HOOK3: variants seen among roughly 807,000 people sequenced by gnomAD.
HOOK3 encodes the protein protein Hook homolog 3.
A neutral mutation model predicts 116.3 loss-of-function variants in HOOK3; 24 were observed. That is an observed-to-expected ratio of 0.21 (90% CI 0.15 to 0.29). The LOEUF (loss-of-function observed/expected upper bound fraction) is 0.29. HOOK3 is among the 10% of genes least tolerant of loss of function. The probability of loss-of-function intolerance (pLI) is 1.00; values close to 1 mark genes in which losing one functional copy is unlikely to be tolerated. For synonymous variants in HOOK3, 275 were observed against 283.0 expected (o/e 0.97, Z 0.28); for missense variants, 632 against 830.2 (o/e 0.76, Z 2.93).
At chr8:42,968,570 TCC>T (rs1156849423) in intron 11 of HOOK3, among the ~76,000 whole-genome samples, 1 of 152,132 alleles carries the variant, frequency 6.6e-6, no homozygotes, top group Non-Finnish European at 1.5e-5. Context: ...GCTCAAGTGA[TCC>T]ACCAGCCTCA....
At position 42,986,894 on chromosome 8, in the gene HOOK3, C is replaced by T. The variant is rs574446891; in HGVS notation, c.1532+99C>T. 2.0e-4 allele frequency: 256 copies of T among 1,275,238 alleles called. 1 individual carries two copies. In the African/African-American group the frequency reaches 3.3e-3, roughly 17 times the overall value. 79.0% of individuals were successfully genotyped at this position (1,275,238 alleles called of 1,614,324 possible). ...AGAACTGGCAGGGCATGGTGGCTCACGCCTGTAATCCCAGCACTTTGGGAG... is the reference window on the plus strand; with the variant it reads ...AGAACTGGCAGGGCATGGTGGCTCATGCCTGTAATCCCAGCACTTTGGGAG... On this transcript the variant is annotated intron_variant, in intron 15 of 21. Coordinates refer to ENST00000307602, the MANE Select transcript of HOOK3 (RefSeq NM_032410.4).
At chr8:43,008,235 G>T (rs1181855542) in intron 18 of HOOK3, among the ~76,000 whole-genome samples, 1 of 151,948 alleles carries the variant, frequency 6.6e-6, no homozygotes, top group East Asian at 1.9e-4. Flanking sequence ...AGCCAGGATG[G>T]TTTCGATCTC....
chr8:43,004,567 G>C (rs1009654773), intron 17 of HOOK3, among the ~76,000 whole-genome samples: 17 of 150,474 alleles, frequency 1.1e-4, no homozygotes, highest in African/African-American at 3.7e-4. Flanking sequence ...TGTAATCCCA[G>C]CTACTTGCAA....
chr8:43,028,500 GT>G lies in HOOK3; in HGVS notation c.*10010del, dbSNP rs1182536893. ...ATAGATCTAATGAACATTGCCAACA[GT>G]TTTTTTTGTTTCTGTCCCTTAAACA... On this transcript the variant is annotated 3_prime_UTR_variant, in exon 22 of 22. Coordinates refer to ENST00000307602, the MANE Select transcript of HOOK3 (RefSeq NM_032410.4). 3.7e-5 allele frequency: 7 copies of G among 189,438 alleles called. No individual in the cohort carries two copies. The highest frequency in any genetic ancestry group is 1.9e-4 in the South Asian group (1 of 5,148). The allele number at this position is 189,438 out of a possible 1,614,324, so 11.7% of individuals were successfully genotyped here.
chr8:42,899,225 G>A (rs574516831), intron 1 of HOOK3, among the ~76,000 whole-genome samples: 1 of 152,304 alleles, frequency 6.6e-6, no homozygotes, highest in South Asian at 2.1e-4. Context: ...GACAACATGA[G>A]AGAATCTATT....
At chr8:42,972,687 A>G (rs75194843) in intron 11 of HOOK3, among the ~76,000 whole-genome samples, 5,104 of 152,312 alleles carry the variant, frequency 0.034, 143 homozygotes, top group Non-Finnish European at 0.052. Context: ...GGCGTGAGCC[A>G]CTGCACTTAG....
At position 43,023,167 on chromosome 8, in the gene HOOK3, C is replaced by A. The variant is rs1184868656; in HGVS notation, c.*4669C>A. The A allele has an allele frequency of 7.1e-6, 1 of 140,452 alleles. No individual in the cohort carries two copies. Among genetic ancestry groups the A allele is most frequent in the Non-Finnish European group, 1.5e-5 (1 of 68,310 alleles). 8.7% of individuals were successfully genotyped at this position (140,452 alleles called of 1,614,324 possible). ...GTTGCAGTAAGCCGAGATTGTGCCA[C>A]TGCACTCCAGCCTGGGCCACAGAGT... On this transcript the variant is annotated 3_prime_UTR_variant, in exon 22 of 22. Coordinates refer to ENST00000307602, the MANE Select transcript of HOOK3 (RefSeq NM_032410.4).
intron 4 of HOOK3, among the ~76,000 whole-genome samples, chr8:42,934,066 T>C (rs1425313833): frequency 6.6e-6 from 1 of 151,744 alleles, no homozygotes; most frequent in Non-Finnish European, 1.5e-5. Context: ...TTATCTCATT[T>C]ATTTATTTAT....
intron 18 of HOOK3, among the ~76,000 whole-genome samples, chr8:43,008,258 T>C (rs1015327987): frequency 6.6e-6 from 1 of 152,064 alleles, no homozygotes; most frequent in East Asian, 1.9e-4. Context: ...GACCTCGTGA[T>C]CTGCCCGCCT....
intron 8 of HOOK3, among the ~76,000 whole-genome samples, chr8:42,962,039 C>T (rs986096439): frequency 9.9e-5 from 15 of 151,836 alleles, no homozygotes; most frequent in African/African-American, 2.2e-4. Context: ...TGCCCACCTC[C>T]GTCTCCCAAA....
intron 1 of HOOK3, among the ~76,000 whole-genome samples, chr8:42,903,608 GCT>G (rs1807240257): frequency 6.6e-6 from 1 of 150,958 alleles, no homozygotes; most frequent in African/African-American, 2.4e-5. Flanking sequence ...CTCCCAAAGT[GCT>G]GGGATTACAG....
intron 7 of HOOK3, among the ~76,000 whole-genome samples, chr8:42,957,826 CTTT>C (rs11383704): frequency 5.2e-5 from 7 of 135,260 alleles, no homozygotes; most frequent in East Asian, 2.1e-4. Context: ...ATATCTCTTC[CTTT>C]TTTTTTTTTT....
chr8:42,909,706 C>A (rs1369399026), intron 2 of HOOK3, among the ~76,000 whole-genome samples: 4 of 152,166 alleles, frequency 2.6e-5, no homozygotes, highest in African/African-American at 9.7e-5. Context: ...CTCAAGCAAT[C>A]CTCCTGCCTT....
At chr8:42,994,396 A>G in intron 15 of HOOK3, 1 of 391,328 alleles carries the variant, frequency 2.6e-6, no homozygotes, top group Non-Finnish European at 5.0e-6. Flanking sequence ...TGGCATCGTT[A>G]GGTTGTTTAT....
chr8:42,983,060 C>T (rs1808982455), intron 14 of HOOK3, among the ~76,000 whole-genome samples: 2 of 152,152 alleles, frequency 1.3e-5, no homozygotes, highest in African/African-American at 4.8e-5. Flanking sequence ...ACCAGCTGGG[C>T]TTGGTGGCTC....
chr8:42,966,222 A>G (rs1461481683), intron 9 of HOOK3, among the ~76,000 whole-genome samples: 1 of 152,192 alleles, frequency 6.6e-6, no homozygotes, highest in Non-Finnish European at 1.5e-5. Context: ...GCAATATTTC[A>G]GAAAAATGTT....
At chr8:42,941,546 A>C (rs989360336) in intron 4 of HOOK3, among the ~76,000 whole-genome samples, 1 of 149,994 alleles carries the variant, frequency 6.7e-6, no homozygotes, top group South Asian at 2.1e-4. Flanking sequence ...AAAAAGAGGC[A>C]TGAGCCACTG....
At chr8:42,939,717 C>T (rs1212242705) in intron 4 of HOOK3, among the ~76,000 whole-genome samples, 1 of 151,112 alleles carries the variant, frequency 6.6e-6, no homozygotes, top group Admixed American at 6.6e-5. Flanking sequence ...GGGCTCCTCA[C>T]TTCTCAGACG....
intron 5 of HOOK3, among the ~76,000 whole-genome samples, chr8:42,949,054 G>C (rs971910260): frequency 6.6e-6 from 1 of 152,218 alleles, no homozygotes; most frequent in East Asian, 2.0e-4. Flanking sequence ...GTGTTGGGTA[G>C]AGGATTACAG....
Sources: gnomAD v4.1 joint callset for allele counts (sites outside exome capture counted in the v4.1 genomes callset) on GRCh38, gnomAD v4.1.1 for gene constraint, MANE v1.5 for transcripts, NCBI Gene and HGNC (gene_info 2026-07-23, HGNC 2026-07-21) for gene names.